MNAT1: variants seen among roughly 807,000 people sequenced by gnomAD.
MNAT1 encodes MNAT1 component of CDK activating kinase.
In MNAT1, 43 loss-of-function variants were observed where a neutral mutation model predicts 42.0. The ratio of observed to expected loss-of-function variants is 1.02; its 90% CI spans 0.80 to 1.32. The LOEUF is 1.32. Among genes scored for constraint, MNAT1 ranks in the 40% most tolerant of loss-of-function variants. MNAT1 has a pLI of 0.00. For missense variants in MNAT1, 306 were observed against 350.4 expected (o/e 0.87, Z 1.01); for synonymous variants, 118 against 120.0 (o/e 0.98, Z 0.11).
chr14:60,837,481 C>T (rs766139480), intron 6 of MNAT1, among the ~76,000 whole-genome samples: 11 of 152,208 alleles, frequency 7.2e-5, no homozygotes, highest in Non-Finnish European at 1.0e-4. Flanking sequence ...AGGGAGTTCC[C>T]TGACCCCATG....
At chr14:60,863,199 C>T (rs781082889) in intron 6 of MNAT1, among the ~76,000 whole-genome samples, 7 of 151,950 alleles carry the variant, frequency 4.6e-5, no homozygotes, top group Admixed American at 4.6e-4. Context: ...GCTGTAAGAT[C>T]CCAGGACTCC....
intron 7 of MNAT1, among the ~76,000 whole-genome samples, chr14:60,918,486 G>T (rs11158310): frequency 0.67 from 101,328 of 150,802 alleles, 34,450 homozygotes; most frequent in Admixed American, 0.73. Flanking sequence ...GGGATTAGAG[G>T]CATGAGCCAC....
chr14:60,934,447 G>A (rs1228217587), intron 7 of MNAT1, among the ~76,000 whole-genome samples: 2 of 152,104 alleles, frequency 1.3e-5, no homozygotes, highest in Non-Finnish European at 2.9e-5. Context: ...ATTTCCATGT[G>A]TCGTGGGAGG....
At position 60,936,594 on chromosome 14, in the gene MNAT1, A is replaced by G. The variant is rs540115984; in HGVS notation, c.810-31635A>G. ...GGCTGCATAGTATTCCATGGTGTAT[A>G]TGTGCCACATTTTCTTAATCCAGTC... On this transcript the variant is annotated intron_variant, in intron 7 of 7. Transcript: ENST00000261245. Among the ~76,000 whole-genome samples the G allele has an allele frequency of 9.9e-5, 15 of 152,102 alleles. No homozygotes were observed. The South Asian group carries it at 2.5e-3, about 25-fold the overall frequency.
At position 60,918,198 on chromosome 14, in the gene MNAT1, C is replaced by CTTTTTTTTTT. The variant is rs386381525; in HGVS notation, c.809+38382_809+38391dup. Among the ~76,000 whole-genome samples the CTTTTTTTTTT allele has an allele frequency of 5.3e-4, 26 of 48,618 alleles. 10 individuals are homozygous for CTTTTTTTTTT. Among genetic ancestry groups the CTTTTTTTTTT allele is most frequent in the South Asian group, 4.5e-3 (3 of 670 alleles). The allele number at this position is 48,618 out of a possible 152,430, so 31.9% of individuals were successfully genotyped here. A position where few individuals can be genotyped will look rare whatever the true frequency, so the allele number is the denominator to read the frequency against. On this transcript the variant is annotated intron_variant, in intron 7 of 7. Transcript: ENST00000261245. ...AGAAGGATCAATCCAATTAATTGTTCTTTTTTTTTTTTTTTTTTTTTTTTT... is the reference window on the plus strand; with the variant it reads ...AGAAGGATCAATCCAATTAATTGTTCTTTTTTTTTTTTTTTTTTTTTTTTTTTTTTTTTTT...
intron 6 of MNAT1, among the ~76,000 whole-genome samples, chr14:60,852,632 A>G (rs1176371783): frequency 6.6e-6 from 1 of 151,992 alleles, no homozygotes; most frequent in Non-Finnish European, 1.5e-5. Flanking sequence ...TGCCTATATG[A>G]TGAATGGTAT....
At chr14:60,869,040 A>ATATATATTTTTTTT (rs1465360826) in intron 6 of MNAT1, among the ~76,000 whole-genome samples, 3 of 113,028 alleles carry the variant, frequency 2.7e-5, no homozygotes, top group African/African-American at 1.0e-4. Context: ...ATATATATAT[A>ATATATATTTTTTTT]TTTTTTTTTT....
chr14:60,753,499 T>C (rs1263784264), intron 1 of MNAT1: 1 of 152,182 alleles, frequency 6.6e-6, no homozygotes, highest in Non-Finnish European at 1.5e-5. Context: ...CACATGGGCC[T>C]CTCCTAAGGA....
chr14:60,920,976 A>G (rs1390122234), intron 7 of MNAT1, among the ~76,000 whole-genome samples: 3 of 152,190 alleles, frequency 2.0e-5, no homozygotes, highest in Non-Finnish European at 2.9e-5. Flanking sequence ...TATCGTTATC[A>G]TGTTCTATGA....
At chr14:60,829,315 A>C (rs138380751) in intron 6 of MNAT1, among the ~76,000 whole-genome samples, 86 of 152,302 alleles carry the variant, frequency 5.6e-4, no homozygotes, top group African/African-American at 2.0e-3. Context: ...AAATCACAAT[A>C]TTACAAGCCC....
intron 6 of MNAT1, among the ~76,000 whole-genome samples, chr14:60,830,577 G>A (rs1456324273): frequency 1.3e-5 from 2 of 152,028 alleles, no homozygotes; most frequent in Non-Finnish European, 2.9e-5. Context: ...TATTTCCTGC[G>A]ATGATTTTTA....
chr14:60,826,475 C>T (rs1448119301), intron 6 of MNAT1, among the ~76,000 whole-genome samples: 2 of 151,950 alleles, frequency 1.3e-5, no homozygotes, highest in African/African-American at 4.8e-5. Context: ...TGCCACCATG[C>T]CCGGCTAATT....
intron 3 of MNAT1, among the ~76,000 whole-genome samples, chr14:60,804,556 C>T (rs1163752696): frequency 6.6e-6 from 1 of 151,918 alleles, no homozygotes; most frequent in Non-Finnish European, 1.5e-5. Flanking sequence ...GATAGGGTCT[C>T]ACTCTGTCTC....
chr14:60,839,273 T>TA (rs2033479990), intron 6 of MNAT1, among the ~76,000 whole-genome samples: 1 of 152,018 alleles, frequency 6.6e-6, no homozygotes, highest in Non-Finnish European at 1.5e-5. Context: ...TTTGAGCCCA[T>TA]AAAAATCCCA....
intron 1 of MNAT1, among the ~76,000 whole-genome samples, chr14:60,755,099 A>G (rs1225241228): frequency 6.6e-6 from 1 of 152,070 alleles, no homozygotes; most frequent in African/African-American, 2.4e-5. Flanking sequence ...CTCTGGGCTC[A>G]GGAACCCTTC....
chr14:60,882,250 C>A (rs2034567338), intron 7 of MNAT1, among the ~76,000 whole-genome samples: 1 of 152,022 alleles, frequency 6.6e-6, no homozygotes, highest in Non-Finnish European at 1.5e-5. Context: ...CTCCTCACTA[C>A]CCTTCACAAC....
At chr14:60,847,927 G>GTT (rs373537850) in intron 6 of MNAT1, among the ~76,000 whole-genome samples, 1 of 151,188 alleles carries the variant, frequency 6.6e-6, no homozygotes, top group Non-Finnish European at 1.5e-5. Context: ...AGTTTTACAG[G>GTT]TTTTTTTTTG....
chr14:60,914,052 C>A (rs569873451), intron 7 of MNAT1, among the ~76,000 whole-genome samples: 2 of 152,188 alleles, frequency 1.3e-5, no homozygotes, highest in Non-Finnish European at 1.5e-5. Flanking sequence ...GCCTCGCTGC[C>A]GCCTTGCAGT....
intron 1 of MNAT1, among the ~76,000 whole-genome samples, chr14:60,735,559 A>G (rs1352143664): frequency 2.0e-5 from 3 of 152,166 alleles, no homozygotes; most frequent in Non-Finnish European, 2.9e-5. Flanking sequence ...CTTACCATGA[A>G]TTATCTCAGT....
Sources: gnomAD v4.1 joint callset for allele counts (sites outside exome capture counted in the v4.1 genomes callset) on GRCh38, gnomAD v4.1.1 for gene constraint, MANE v1.5 for transcripts, NCBI Gene and HGNC (gene_info 2026-07-23, HGNC 2026-07-21) for gene names.